Variants in EYS observed in about 807,000 individuals in gnomAD.
EYS encodes EGF-like photoreceptor maintenance factor.
In EYS, 250 loss-of-function variants were observed where a neutral mutation model predicts 282.1. That is an observed-to-expected ratio of 0.89 (90% CI 0.80 to 0.98). The LOEUF (loss-of-function observed/expected upper bound fraction) is 0.98. EYS is among the 50% of genes least tolerant of loss of function. The pLI, the probability that EYS is intolerant of heterozygous loss-of-function variation, is 0.00. For synonymous variants in EYS, 1,355 were observed against 1,282.9 expected, an observed-to-expected ratio of 1.06 and a Z score of -1.20; for missense variants, 4,016 against 3,709.0, an observed-to-expected ratio of 1.08 and a Z score of -2.15.
At chr6:64,052,302 G>A (rs9351126) in intron 33 of EYS, among the ~76,000 whole-genome samples, 32,721 of 151,858 alleles carry the variant, frequency 0.22, 3,747 homozygotes, top group Middle Eastern at 0.33. Context: ...ATACTTTTGA[G>A]CAACTCACAT....
intron 31 of EYS, among the ~76,000 whole-genome samples, chr6:64,123,669 T>C (rs1582302992): frequency 1.3e-5 from 2 of 152,188 alleles, no homozygotes; most frequent in East Asian, 3.8e-4. Flanking sequence ...ATAAATTCTA[T>C]GGAGTTCTGT....
chr6:64,854,235 C>A (rs1355470857), intron 19 of EYS, among the ~76,000 whole-genome samples: 8 of 152,108 alleles, frequency 5.3e-5, no homozygotes, highest in Non-Finnish European at 1.0e-4. Context: ...TTTGACTCAG[C>A]AATCGCATTA....
chr6:65,375,748 C>A (rs1765339692), intron 8 of EYS, among the ~76,000 whole-genome samples: 1 of 151,830 alleles, frequency 6.6e-6, no homozygotes, highest in African/African-American at 2.4e-5. Context: ...GTATCAATAG[C>A]TGAGTTGCTC....
chr6:64,277,336 T>C (rs1213619653), intron 30 of EYS, among the ~76,000 whole-genome samples: 1 of 152,166 alleles, frequency 6.6e-6, no homozygotes, highest in Non-Finnish European at 1.5e-5. Context: ...GACAGTCTGA[T>C]AACCCAGTTT....
Position 64,903,014 on chromosome 6 carries a change from TA to T in EYS, c.2642-515del, listed in dbSNP as rs899616916. ...CCATTTAAACACATGCCAGTTATATTAAAAAAAATGAACATGAAAGAAAATT... is the reference window on the plus strand; with the variant it reads ...CCATTTAAACACATGCCAGTTATATTAAAAAAATGAACATGAAAGAAAATT... On this transcript the variant is annotated intron_variant, in intron 16 of 42. Transcript: ENST00000503581. Among the ~76,000 whole-genome samples the T allele has an allele frequency of 4.0e-4, 60 of 151,638 alleles. No homozygotes were observed. In the South Asian group the frequency reaches 5.6e-3, roughly 14 times the overall value.
chr6:64,130,470 G>A (rs372563642), intron 31 of EYS, among the ~76,000 whole-genome samples: 1 of 152,136 alleles, frequency 6.6e-6, no homozygotes, highest in African/African-American at 2.4e-5. Flanking sequence ...TCACACACTG[G>A]GGCCTGTTGT....
intron 8 of EYS, among the ~76,000 whole-genome samples, chr6:65,359,529 T>C (rs756510196): frequency 2.0e-5 from 3 of 152,018 alleles, no homozygotes; most frequent in Non-Finnish European, 4.4e-5. Context: ...CTTTTCATGA[T>C]GTATTAAGCA....
chr6:64,216,203 A>C (rs1765922247), intron 31 of EYS, among the ~76,000 whole-genome samples: 1 of 152,234 alleles, frequency 6.6e-6, no homozygotes, highest in African/African-American at 2.4e-5. Context: ...TCAGTGAAAC[A>C]GCTAGGAGTC....
chr6:64,273,167 A>C (rs1767996841), intron 30 of EYS, among the ~76,000 whole-genome samples: 1 of 152,144 alleles, frequency 6.6e-6, no homozygotes, highest in African/African-American at 2.4e-5. Flanking sequence ...GTGTCTCTTT[A>C]TTCTGCTTTT....
intron 2 of EYS, among the ~76,000 whole-genome samples, chr6:65,627,787 G>C (rs1314420359): frequency 6.6e-6 from 1 of 152,190 alleles, no homozygotes; most frequent in African/African-American, 2.4e-5. Context: ...CCGCGGGGTA[G>C]GGCTCGGGAC....
Position 64,670,550 on chromosome 6 carries a change from C to T in EYS, c.3444-44305G>A, listed in dbSNP as rs182769190. Reference sequence around the variant, plus strand: ...ATTCGCACAGCTTCAGTTGTTTACACTTCAAAACATAGAGTATGAGACATT... The same window carrying T: ...ATTCGCACAGCTTCAGTTGTTTACATTTCAAAACATAGAGTATGAGACATT... On this transcript the variant is annotated intron_variant, in intron 22 of 42. Coordinates refer to ENST00000503581, the MANE Select transcript of EYS (RefSeq NM_001142800.2). Among the ~76,000 whole-genome samples, 250 of 152,238 alleles carry T rather than the reference C, an allele frequency of 1.6e-3. 1 individual carries two copies. The highest frequency in any genetic ancestry group is 2.8e-3 in the Non-Finnish European group (189 of 68,002).
chr6:64,653,086 C>G (rs1007334698), intron 22 of EYS, among the ~76,000 whole-genome samples: 1 of 128,778 alleles, frequency 7.8e-6, no homozygotes, highest in Non-Finnish European at 1.6e-5. Flanking sequence ...CTAATGCAAT[C>G]TGACTGGTAT....
intron 29 of EYS, among the ~76,000 whole-genome samples, chr6:64,376,763 A>G (rs1326210642): frequency 6.7e-6 from 1 of 150,270 alleles, no homozygotes; most frequent in Non-Finnish European, 1.5e-5. Flanking sequence ...GAGGCTTACA[A>G]CAAGCCTCCA....
chr6:64,080,621 A>G (rs1293322113), intron 32 of EYS, among the ~76,000 whole-genome samples: 1 of 152,072 alleles, frequency 6.6e-6, no homozygotes, highest in Non-Finnish European at 1.5e-5. Flanking sequence ...TTAGACATGA[A>G]GTCCTTGCCC....
intron 33 of EYS, among the ~76,000 whole-genome samples, chr6:64,041,372 C>T (rs911862235): frequency 9.2e-5 from 14 of 152,046 alleles, no homozygotes; most frequent in East Asian, 1.9e-4. Flanking sequence ...TGGTTGAATA[C>T]GGGAAAAATA....
intron 11 of EYS, among the ~76,000 whole-genome samples, chr6:65,318,117 T>A (rs957453160): frequency 6.6e-6 from 1 of 151,176 alleles, no homozygotes; most frequent in African/African-American, 2.4e-5. Context: ...TCCGCCCACC[T>A]CGGCCTCCCA....
At chr6:65,274,181 G>T (rs1485912526) in intron 12 of EYS, among the ~76,000 whole-genome samples, 2 of 152,128 alleles carry the variant, frequency 1.3e-5, no homozygotes, top group East Asian at 1.9e-4. Context: ...TGGTAGAACA[G>T]GACAAGTGGA....
chr6:63,898,830 A>G (rs968256912), intron 35 of EYS, among the ~76,000 whole-genome samples: 1 of 152,202 alleles, frequency 6.6e-6, no homozygotes, highest in Non-Finnish European at 1.5e-5. Flanking sequence ...CATTTTAAGT[A>G]TATATTGATG....
At chr6:64,203,337 T>C (rs961791961) in intron 31 of EYS, among the ~76,000 whole-genome samples, 1 of 152,076 alleles carries the variant, frequency 6.6e-6, no homozygotes, top group African/African-American at 2.4e-5. Context: ...ATGCCCTCTG[T>C]TTGGTGGTGG....
Sources: allele counts gnomAD v4.1 joint callset (sites outside exome capture counted in the v4.1 genomes callset), GRCh38; gene constraint gnomAD v4.1.1; transcripts MANE v1.5; gene names NCBI Gene and HGNC (gene_info 2026-07-23, HGNC 2026-07-21).